Variants in KIAA0232 observed in about 807,000 individuals in gnomAD.
KIAA0232 encodes the protein KIAA0232.
In KIAA0232, 27 loss-of-function variants were observed where a neutral mutation model predicts 122.0. That is an observed-to-expected ratio of 0.22 (90% confidence interval 0.16 to 0.31). The LOEUF (loss-of-function observed/expected upper bound fraction) is 0.31, where lower values mean the gene tolerates loss of function less well. Among genes scored for constraint, KIAA0232 ranks in the 10% least tolerant of loss-of-function variants. KIAA0232 has a pLI of 1.00. For missense variants in KIAA0232, 1,551 were observed against 1,634.2 expected (o/e 0.95, Z 0.88); for synonymous variants, 613 against 587.6 (o/e 1.04, Z -0.63).
At chr4:6,849,881 T>C (rs908631507) in intron 4 of KIAA0232, among the ~76,000 whole-genome samples, 2 of 152,116 alleles carry the variant, frequency 1.3e-5, no homozygotes, top group African/African-American at 4.8e-5. Flanking sequence ...GACAGCTAAA[T>C]GGAGATTTTT....
At chr4:6,809,068 A>T (rs1029037962) in intron 2 of KIAA0232, among the ~76,000 whole-genome samples, 7 of 152,208 alleles carry the variant, frequency 4.6e-5, no homozygotes, top group Admixed American at 3.9e-4. Context: ...CATAATTAGA[A>T]AGGGCTTCTT....
rs540640465 is a variant in KIAA0232 at position 6,824,276 on chromosome 4, A to T, written c.-178A>T. ...GTTGCTATCAGGATGTTGATTCATT[A>T]GTCATGCCTGAAGAGGGAAAGTCTG... On this transcript the variant is annotated 5_prime_UTR_variant, in exon 3 of 10. It removes the in-frame stop codon of an upstream open reading frame in the 5' UTR. Coordinates refer to ENST00000307659, the MANE Select transcript of KIAA0232 (RefSeq NM_014743.3). 3.2e-6 allele frequency: 2 copies of T among 615,590 alleles called. No homozygotes were observed. Among genetic ancestry groups the T allele is most frequent in the South Asian group, 3.8e-5 (2 of 52,584 alleles). The allele number at this position is 615,590 out of a possible 1,614,324, so 38.1% of individuals were successfully genotyped here. A position where few individuals can be genotyped will look rare whatever the true frequency, so the allele number is the denominator to read the frequency against.
At chr4:6,857,141 T>C (rs758680726) in intron 4 of KIAA0232, 23 bp from the exon 5 acceptor site, 24 of 1,574,190 alleles carry the variant, frequency 1.5e-5, no homozygotes, top group East Asian at 6.9e-5. Flanking sequence ...TGTAACCTAA[T>C]GTGTCTTTTT....
intron 3 of KIAA0232, among the ~76,000 whole-genome samples, chr4:6,841,773 A>G (rs1719674716): frequency 1.3e-5 from 2 of 152,222 alleles, no homozygotes; most frequent in South Asian, 4.1e-4. Context: ...TGCACCAAAA[A>G]CTATAAAGCA....
chr4:6,873,755 A>G (rs1721615168), intron 8 of KIAA0232, among the ~76,000 whole-genome samples: 1 of 152,238 alleles, frequency 6.6e-6, no homozygotes, highest in African/African-American at 2.4e-5. Context: ...CTCTCAGTGC[A>G]TAAATACTGG....
chr4:6,877,341 C>G (rs550196351), intron 9 of KIAA0232, among the ~76,000 whole-genome samples: 21 of 152,336 alleles, frequency 1.4e-4, no homozygotes, highest in African/African-American at 4.6e-4. Context: ...AGCGGGGCCT[C>G]CGCCTGGTTT....
chr4:6,807,066 CTATCTATCTATCTATT>C (rs1297037125), intron 2 of KIAA0232, among the ~76,000 whole-genome samples: 1 of 151,080 alleles, frequency 6.6e-6, no homozygotes, highest in African/African-American at 2.4e-5. Flanking sequence ...ATCTATCTAT[CTATCTATCTATCTATT>C]TAAGACAGGG....
At chr4:6,820,767 A>G (rs899153093) in intron 2 of KIAA0232, among the ~76,000 whole-genome samples, 1 of 152,318 alleles carries the variant, frequency 6.6e-6, no homozygotes, top group South Asian at 2.1e-4. Context: ...ATGGATCCAC[A>G]TTTTGTTCTG....
At chr4:6,813,518 A>G (rs1717973354) in intron 2 of KIAA0232, among the ~76,000 whole-genome samples, 2 of 152,080 alleles carry the variant, frequency 1.3e-5, no homozygotes, top group East Asian at 1.9e-4. Context: ...GCCTGCCACC[A>G]CGCCCGGCTA....
intron 1 of KIAA0232, among the ~76,000 whole-genome samples, chr4:6,798,559 A>G (rs1186869728): frequency 7.2e-5 from 11 of 152,054 alleles, no homozygotes; most frequent in South Asian, 2.1e-4. Flanking sequence ...TCTCAGTTAC[A>G]TGCTTTATTT....
At chr4:6,808,425 A>G (rs913260774) in intron 2 of KIAA0232, among the ~76,000 whole-genome samples, 2 of 149,646 alleles carry the variant, frequency 1.3e-5, no homozygotes. Context: ...GTAGTGAGAA[A>G]GGACCAGTTA....
At chr4:6,854,968 T>A (rs1720493169) in intron 4 of KIAA0232, among the ~76,000 whole-genome samples, 1 of 152,238 alleles carries the variant, frequency 6.6e-6, no homozygotes, top group Admixed American at 6.5e-5. Context: ...ATTAACACTT[T>A]GGAACACCTG....
At chr4:6,820,660 C>A (rs1718378623) in intron 2 of KIAA0232, among the ~76,000 whole-genome samples, 1 of 151,956 alleles carries the variant, frequency 6.6e-6, no homozygotes, top group Admixed American at 6.6e-5. Context: ...AAAAGCTCTA[C>A]AATGTTTTGT....
intron 4 of KIAA0232, among the ~76,000 whole-genome samples, chr4:6,845,507 C>G (rs1179048219): frequency 6.6e-6 from 1 of 151,956 alleles, no homozygotes; most frequent in Admixed American, 6.6e-5. Context: ...ATGGTGTTTT[C>G]TTTATGACAC....
intron 1 of KIAA0232, among the ~76,000 whole-genome samples, chr4:6,783,710 G>A (rs1716474881): frequency 6.6e-6 from 1 of 150,860 alleles, no homozygotes; most frequent in South Asian, 2.1e-4. Flanking sequence ...GGCGGGCCTG[G>A]CGGGCGGGGC....
chr4:6,794,329 A>G (rs1717038338), intron 1 of KIAA0232, among the ~76,000 whole-genome samples: 1 of 152,186 alleles, frequency 6.6e-6, no homozygotes, highest in African/African-American at 2.4e-5. Context: ...TGATGGAAGC[A>G]TGGCTTGGTG....
chr4:6,876,537 T>G, intron 8 of KIAA0232, 123 bp from the exon 9 acceptor site: 1 of 686,752 alleles, frequency 1.5e-6, no homozygotes. Flanking sequence ...CTCCGAAGGG[T>G]TGGGAGACCT....
intron 4 of KIAA0232, among the ~76,000 whole-genome samples, chr4:6,847,089 T>G (rs1198462173): frequency 6.6e-6 from 1 of 152,154 alleles, no homozygotes; most frequent in African/African-American, 2.4e-5. Context: ...ATTATTATAT[T>G]AAATATAAGT....
intron 7 of KIAA0232, among the ~76,000 whole-genome samples, chr4:6,869,460 G>T (rs760781959): frequency 2.6e-5 from 4 of 152,232 alleles, no homozygotes; most frequent in African/African-American, 9.6e-5. Flanking sequence ...GTCTTAGAGT[G>T]CAGGGAATTG....
Sources: allele counts gnomAD v4.1 joint callset (sites outside exome capture counted in the v4.1 genomes callset), GRCh38; gene constraint gnomAD v4.1.1; transcripts MANE v1.5; gene names NCBI Gene and HGNC (gene_info 2026-07-23, HGNC 2026-07-21).